Variants in RHOBTB3 observed in about 807,000 individuals in gnomAD.
The protein encoded by RHOBTB3 is rho-related BTB domain-containing protein 3.
Under a neutral mutation model 67.2 loss-of-function variants are expected in RHOBTB3, and 47 were observed. That is an observed-to-expected ratio of 0.70 (90% CI 0.55 to 0.89). RHOBTB3 has a LOEUF of 0.89. Among genes scored for constraint, RHOBTB3 ranks in the 40% least tolerant of loss-of-function variants. The probability of loss-of-function intolerance (pLI) is 0.00; values close to 1 mark genes in which losing one functional copy is unlikely to be tolerated. For synonymous variants in RHOBTB3, 273 were observed against 274.2 expected, an observed-to-expected ratio of 1.00 and a Z score of 0.04; for missense variants, 631 against 750.0, an observed-to-expected ratio of 0.84 and a Z score of 1.85.
intron 8 of RHOBTB3, among the ~76,000 whole-genome samples, chr5:95,771,552 G>T (rs1441252900): frequency 1.3e-5 from 2 of 152,174 alleles, no homozygotes; most frequent in African/African-American, 4.8e-5. Context: ...AGAGGACACA[G>T]ACTTTATATC....
upstream of RHOBTB3, chr5:95,730,913 C>G: frequency 2.2e-6 from 1 of 457,600 alleles, no homozygotes; most frequent in Non-Finnish European, 4.4e-6. Context: ...CACTTTCGGT[C>G]AAGGCCAAGA....
At chr5:95,786,960 C>T (rs1333010702) in intron 10 of RHOBTB3, among the ~76,000 whole-genome samples, 1 of 152,232 alleles carries the variant, frequency 6.6e-6, no homozygotes, top group Non-Finnish European at 1.5e-5. Context: ...AAATCTACTT[C>T]CCAAACCCCC....
chr5:95,764,059 C>T (rs1293867161), intron 7 of RHOBTB3, among the ~76,000 whole-genome samples: 6 of 152,284 alleles, frequency 3.9e-5, no homozygotes, highest in Non-Finnish European at 7.4e-5. Flanking sequence ...ATCTGCCCAC[C>T]GTAGCCTCCC....
intron 3 of RHOBTB3, 116 bp downstream of exon 3, chr5:95,737,191 G>GTT: frequency 1.3e-5 from 8 of 632,472 alleles, no homozygotes; most frequent in Non-Finnish European, 2.1e-5. Flanking sequence ...AATGACTTTG[G>GTT]TTCAATGCCA....
At chr5:95,749,360 A>G (rs547349621) in intron 4 of RHOBTB3, among the ~76,000 whole-genome samples, 234 of 152,352 alleles carry the variant, frequency 1.5e-3, no homozygotes, top group Non-Finnish European at 2.1e-3. Flanking sequence ...TTGAGGTTCC[A>G]CAGATGACTA....
chr5:95,726,240 G>A (rs757236523), upstream of RHOBTB3, among the ~76,000 whole-genome samples: 6 of 152,088 alleles, frequency 3.9e-5, no homozygotes, highest in South Asian at 2.1e-4. Flanking sequence ...TTCCATTTGC[G>A]TTCTATGTAT....
intron 11 of RHOBTB3, among the ~76,000 whole-genome samples, chr5:95,792,388 G>GAAA (rs752562205): frequency 7.2e-5 from 6 of 83,702 alleles, no homozygotes; most frequent in South Asian, 3.9e-4. Flanking sequence ...CTCCGTCTCA[G>GAAA]AAAAAAAAAA....
upstream of RHOBTB3, among the ~76,000 whole-genome samples, chr5:95,726,980 A>G (rs571004703): frequency 6.6e-6 from 1 of 151,640 alleles, no homozygotes; most frequent in East Asian, 1.9e-4. Flanking sequence ...TTTTTTCAGT[A>G]AAAAATAATG....
At chr5:95,748,228 G>A (rs1206820644) in intron 3 of RHOBTB3, 105 bp from the exon 4 acceptor site, 1 of 727,192 alleles carries the variant, frequency 1.4e-6, no homozygotes, top group Non-Finnish European at 2.1e-6. Context: ...CTTTTGAACT[G>A]TGGCTCTAGT....
intron 7 of RHOBTB3, among the ~76,000 whole-genome samples, chr5:95,763,957 G>A (rs1430037584): frequency 1.3e-5 from 2 of 151,880 alleles, no homozygotes; most frequent in Non-Finnish European, 2.9e-5. Flanking sequence ...CTATAGATAT[G>A]CATCACCATA....
At chr5:95,773,246 A>C (rs567809911) in intron 8 of RHOBTB3, among the ~76,000 whole-genome samples, 1 of 152,194 alleles carries the variant, frequency 6.6e-6, no homozygotes, top group East Asian at 1.9e-4. Context: ...CCCTTTATGC[A>C]GGGCTGGGGT....
rs1746499074 is a variant in RHOBTB3, at chr5:95,794,057, C to A, written c.*883C>A. 1 of 456,132 alleles carries A rather than the reference C, an allele frequency of 2.2e-6. No homozygotes were observed. Among genetic ancestry groups the A allele is most frequent in the Admixed American group, 2.3e-5 (1 of 42,562 alleles). 28.3% of individuals were successfully genotyped at this position (456,132 alleles called of 1,614,324 possible). A position where few individuals can be genotyped will look rare whatever the true frequency, so the allele number is the denominator to read the frequency against. ...TATAAAGGGAAGAGAAGGAGGCTCA[C>A]CGGAGGGAAGAGAACATAGTGAAGA... On this transcript the variant is annotated 3_prime_UTR_variant, in exon 12 of 12. Transcript: ENST00000379982.
intron 10 of RHOBTB3, among the ~76,000 whole-genome samples, chr5:95,788,199 T>C (rs1046986017): frequency 1.3e-5 from 2 of 152,234 alleles, no homozygotes; most frequent in Non-Finnish European, 2.9e-5. Context: ...TTAGCAGCTA[T>C]TGGAACTCAG....
intron 3 of RHOBTB3, among the ~76,000 whole-genome samples, chr5:95,743,480 A>G (rs1755657914): frequency 1.3e-5 from 2 of 151,896 alleles, no homozygotes; most frequent in Admixed American, 1.3e-4. Flanking sequence ...CTGCAGTGTG[A>G]GCCTGTACTC....
chr5:95,731,701 G>T lies in RHOBTB3; in HGVS notation c.2+17G>T. On this transcript the variant is annotated intron_variant, in intron 1 of 11. Coordinates refer to ENST00000379982, the MANE Select transcript of RHOBTB3 (RefSeq NM_014899.4). ...TGAGATCATGTACGTACGCGCCGCC[G>T]TCCTGCCATTGTCTCTCTCCAGCGC... 1 of 1,613,104 alleles carries T rather than the reference G, an allele frequency of 6.2e-7. No homozygotes were observed. The highest frequency in any genetic ancestry group is 8.5e-7 in the Non-Finnish European group (1 of 1,179,732).
intron 4 of RHOBTB3, among the ~76,000 whole-genome samples, chr5:95,749,897 T>C (rs1745039822): frequency 6.6e-6 from 1 of 152,176 alleles, no homozygotes; most frequent in African/African-American, 2.4e-5. Context: ...TCTCCTCTCT[T>C]TCTCTTCTTC....
At chr5:95,791,883 C>T (rs970217717) in intron 11 of RHOBTB3, among the ~76,000 whole-genome samples, 3 of 151,974 alleles carry the variant, frequency 2.0e-5, no homozygotes, top group Non-Finnish European at 4.4e-5. Flanking sequence ...TTGAGTCGAC[C>T]TCCTATCTCA....
chr5:95,774,067 A>G (rs1745797929), intron 8 of RHOBTB3, among the ~76,000 whole-genome samples: 1 of 152,256 alleles, frequency 6.6e-6, no homozygotes, highest in African/African-American at 2.4e-5. Context: ...CCAAGTGTGC[A>G]CAGAATGATC....
rs929250749 is a variant in RHOBTB3 at position 95,795,825 on chromosome 5, T to G, written c.*2651T>G. 7 of 152,254 alleles carry G rather than the reference T, an allele frequency of 4.6e-5. No individual in the cohort carries two copies. The highest frequency in any genetic ancestry group is 4.6e-4 in the Admixed American group (7 of 15,290). The allele number at this position is 152,254 out of a possible 1,614,324, so 9.4% of individuals were successfully genotyped here. ...CTGGTTTTGAGAGTTGTTTTTTAAC[T>G]GAAAGATTATTTCTAGATGGGTAGT... On this transcript the variant is annotated 3_prime_UTR_variant, in exon 12 of 12. Coordinates refer to ENST00000379982, the MANE Select transcript of RHOBTB3 (RefSeq NM_014899.4).
Sources: gnomAD v4.1 joint callset for allele counts (sites outside exome capture counted in the v4.1 genomes callset) on GRCh38, gnomAD v4.1.1 for gene constraint, MANE v1.5 for transcripts, NCBI Gene and HGNC (gene_info 2026-07-23, HGNC 2026-07-21) for gene names.